The following DYNC2LI1 variants were observed in gnomAD, a reference collection of about 807,000 sequenced individuals.
DYNC2LI1 encodes cytoplasmic dynein 2 light intermediate chain 1.
DYNC2LI1 carries 45 observed loss-of-function variants against 51.9 expected under a neutral mutation model. The ratio of observed to expected loss-of-function variants is 0.87; its 90% CI spans 0.68 to 1.11. DYNC2LI1 has a LOEUF of 1.11. Among genes scored for constraint, DYNC2LI1 ranks in the 50% most tolerant of loss-of-function variants. DYNC2LI1 has a pLI of 0.00. For synonymous variants in DYNC2LI1, 130 were observed against 137.8 expected (o/e 0.94, Z 0.40); for missense variants, 490 against 417.4 (o/e 1.17, Z -1.51).
At chr2:43,775,772 C>T (rs1160428965) in intron 1 of DYNC2LI1, 1 of 371,160 alleles carries the variant, frequency 2.7e-6, no homozygotes, top group Admixed American at 3.2e-5. Context: ...AATACAACAT[C>T]CACCTCCTGA....
chr2:43,824,430 C>G, the DYNC2LI1 span: 1 of 1,613,646 alleles, frequency 6.2e-7, no homozygotes, highest in Non-Finnish European at 8.5e-7. Flanking sequence ...GACGTCAGGT[C>G]CACTAAAAGT....
At chr2:43,794,749 T>G in intron 6 of DYNC2LI1, 106 bp downstream of exon 6, 2 of 1,590,856 alleles carry the variant, frequency 1.3e-6, no homozygotes, top group Non-Finnish European at 1.7e-6. Flanking sequence ...TTGAAATTCA[T>G]TTGATGTAGA....
At chr2:43,811,840 C>T (rs952751701), downstream of DYNC2LI1, among the ~76,000 whole-genome samples, 7 of 152,056 alleles carry the variant, frequency 4.6e-5, no homozygotes, top group Admixed American at 6.6e-5. Flanking sequence ...GTGATCCACC[C>T]GCCTCGGCCT....
intron 7 of DYNC2LI1, 93 bp downstream of exon 7, chr2:43,796,051 T>G: frequency 2.2e-6 from 2 of 924,936 alleles, no homozygotes; most frequent in Non-Finnish European, 3.3e-6. Flanking sequence ...ATAAGAAAAA[T>G]AATTATTGAA....
the DYNC2LI1 span, chr2:43,824,567 A>G: frequency 6.4e-7 from 1 of 1,565,154 alleles, no homozygotes; most frequent in Non-Finnish European, 8.6e-7. Flanking sequence ...ATGCCCACCT[A>G]TAAAATCAGA....
At chr2:43,795,205 A>G (rs1303166244) in intron 6 of DYNC2LI1, 1 of 988,524 alleles carries the variant, frequency 1.0e-6, no homozygotes, top group African/African-American at 1.7e-5. Flanking sequence ...TATATTATCC[A>G]GAGTTTATAA....
At chr2:43,811,958 G>A (rs931590999), downstream of DYNC2LI1, among the ~76,000 whole-genome samples, 1 of 152,138 alleles carries the variant, frequency 6.6e-6, no homozygotes, top group Non-Finnish European at 1.5e-5. Flanking sequence ...ACAGGTGTCT[G>A]TATTTATACA....
At chr2:43,789,566 C>G in intron 4 of DYNC2LI1, 67 bp from the exon 5 acceptor site, 1 of 1,261,286 alleles carries the variant, frequency 7.9e-7, no homozygotes, top group Admixed American at 1.9e-5. Context: ...ATAATTATTA[C>G]TGGGAAGTGC....
chr2:43,784,159 T>C (rs578123308), intron 3 of DYNC2LI1, among the ~76,000 whole-genome samples: 23 of 152,324 alleles, frequency 1.5e-4, no homozygotes, highest in Admixed American at 2.0e-4. Flanking sequence ...TGGAATTTGG[T>C]GTTAAGGTCA....
the DYNC2LI1 span, among the ~76,000 whole-genome samples, chr2:43,818,422 C>T: frequency 2.0e-4 from 30 of 152,112 alleles, no homozygotes; most frequent in African/African-American, 6.5e-4. Flanking sequence ...TCAGCCTGGG[C>T]GGCAGAGTGA....
intron 11 of DYNC2LI1, 30 bp from the exon 12 acceptor site, chr2:43,805,124 G>T (rs17031616): frequency 4.5e-5 from 67 of 1,498,790 alleles, no homozygotes; most frequent in Non-Finnish European, 6.0e-5. Context: ...GTTTATGGGC[G>T]TGAAGTGATT....
the DYNC2LI1 span, among the ~76,000 whole-genome samples, chr2:43,823,227 A>T: frequency 2.6e-5 from 4 of 152,170 alleles, no homozygotes; most frequent in Admixed American, 2.6e-4. Flanking sequence ...AAGGGGCATG[A>T]ATAAGTGATT....
intron 8 of DYNC2LI1, among the ~76,000 whole-genome samples, chr2:43,799,499 C>A (rs1311966467): frequency 2.6e-5 from 4 of 152,160 alleles, no homozygotes; most frequent in Non-Finnish European, 5.9e-5. Context: ...TAAATTCATT[C>A]TTTGCTATTC....
In DYNC2LI1 at chr2:43,800,475, A is replaced by G. The variant is rs112864927; in HGVS notation, c.655-366A>G. 2.5e-3 allele frequency among the ~76,000 whole-genome samples: 379 copies of G among 152,216 alleles called. 4 individuals are homozygous for G. Among genetic ancestry groups the G allele is most frequent in the African/African-American group, 8.9e-3 (368 of 41,554 alleles). On this transcript the variant is annotated intron_variant, in intron 8 of 12. Coordinates refer to ENST00000260605, the MANE Select transcript of DYNC2LI1 (RefSeq NM_016008.4). Reference sequence around the variant, plus strand: ...TAACCAACCCAACTGCATTTTGGAAAATTTTCTTTTAGACCATAATGAGTA... The same window carrying G: ...TAACCAACCCAACTGCATTTTGGAAGATTTTCTTTTAGACCATAATGAGTA...
At chr2:43,797,786 G>A (rs1180048989) in intron 8 of DYNC2LI1, among the ~76,000 whole-genome samples, 1 of 151,984 alleles carries the variant, frequency 6.6e-6, no homozygotes, top group Non-Finnish European at 1.5e-5. Context: ...CCAAACTGCT[G>A]GGATTACAAG....
intron 8 of DYNC2LI1, among the ~76,000 whole-genome samples, chr2:43,799,768 CT>C (rs1393649078): frequency 6.6e-6 from 1 of 152,140 alleles, no homozygotes; most frequent in Non-Finnish European, 1.5e-5. Flanking sequence ...TAGGTTTTTC[CT>C]TTCTCATAAA....
At chr2:43,816,630 G>A in the DYNC2LI1 span, among the ~76,000 whole-genome samples, 3 of 152,180 alleles carry the variant, frequency 2.0e-5, no homozygotes, top group South Asian at 2.1e-4. Flanking sequence ...TGCAGCCTCC[G>A]CCTCCCAGGT....
chr2:43,798,745 TG>T (rs1665975497), intron 8 of DYNC2LI1, among the ~76,000 whole-genome samples: 3 of 152,154 alleles, frequency 2.0e-5, no homozygotes, highest in African/African-American at 7.2e-5. Context: ...GAACAGGGTT[TG>T]GGTTAGTGGA....
At chr2:43,804,778 C>T (rs1366599963) in intron 11 of DYNC2LI1, 39 bp downstream of exon 11, 8 of 1,287,316 alleles carry the variant, frequency 6.2e-6, no homozygotes, top group Non-Finnish European at 8.8e-6. Context: ...AGACTTTTAG[C>T]ACTGTCTAAC....
Sources: allele counts gnomAD v4.1 joint callset (sites outside exome capture counted in the v4.1 genomes callset), GRCh38; gene constraint gnomAD v4.1.1; transcripts MANE v1.5; gene names NCBI Gene and HGNC (gene_info 2026-07-23, HGNC 2026-07-21).